The following PDHB variants were observed in gnomAD, a reference collection of about 807,000 sequenced individuals.
PDHB encodes pyruvate dehydrogenase E1 subunit beta.
PDHB carries 17 observed loss-of-function variants against 42.8 expected under a neutral mutation model. The ratio of observed to expected loss-of-function variants is 0.40; its 90% CI spans 0.27 to 0.60. PDHB has a LOEUF of 0.60. Among genes scored for constraint, PDHB ranks in the 20% least tolerant of loss-of-function variants. PDHB has a pLI of 0.46. For missense variants in PDHB, 322 were observed against 451.3 expected (o/e 0.71, Z 2.60); for synonymous variants, 154 against 148.7 (o/e 1.04, Z -0.26).
At chr3:58,430,489 G>C (rs1313946818) in intron 6 of PDHB, among the ~76,000 whole-genome samples, 168 bp downstream of exon 6, 1 of 152,014 alleles carries the variant, frequency 6.6e-6, no homozygotes, top group Non-Finnish European at 1.5e-5. Flanking sequence ...CCTTATATTC[G>C]GAAATAGGAA....
rs1445240993 is a variant in PDHB, at chr3:58,431,563, T to C, written c.303+30A>G. On this transcript the variant is annotated intron_variant, in intron 5 of 9. Coordinates refer to ENST00000302746, the MANE Select transcript of PDHB (RefSeq NM_000925.4). This position sits in a 1 kb window ranked among gnomAD's most constrained non-coding sequence, Gnocchi z 4.4. ...AAAAAAAGAAAACAAGAAATGTCTT[T>C]GGATAAGTTTCATAAAGAGTATTAC... is the stretch of plus-strand genomic sequence containing the variant. 1.3e-6 allele frequency: 2 copies of C among 1,550,278 alleles called. No individual in the cohort carries two copies. Among genetic ancestry groups the C allele is most frequent in the Non-Finnish European group, 1.8e-6 (2 of 1,123,706 alleles).
Position 58,433,789 on chromosome 3 carries a change from C to T in PDHB, c.21G>A (p.Leu7=), listed in dbSNP as rs1403374759. The T allele has an allele frequency of 1.9e-6, 3 of 1,611,988 alleles. No homozygotes were observed. Among genetic ancestry groups the T allele is most frequent in the Non-Finnish European group, 2.5e-6 (3 of 1,179,520 alleles). Residue 7 remains leucine, a synonymous_variant, in exon 1 of 10, where the codon TTG becomes TTA. Transcript: ENST00000302746. MAAVSG[L]VRRPLREVSG... is the part of the protein sequence containing the mutation. ...CTACCTCCCGAAGGGGTCTCCGCACCAAGCCAGACACCGCCGCCATCTTGG... is the reference window on the plus strand; with the variant it reads ...CTACCTCCCGAAGGGGTCTCCGCACTAAGCCAGACACCGCCGCCATCTTGG...
At chr3:58,428,408 C>A (rs187368956) in intron 9 of PDHB, 65 bp downstream of exon 9, 1 of 1,525,498 alleles carries the variant, frequency 6.6e-7, no homozygotes, top group Non-Finnish European at 9.1e-7. Flanking sequence ...TTATCCTGTA[C>A]GTATTCAGGT....
intron 2 of PDHB, 32 bp downstream of exon 2, chr3:58,433,598 CG>C: frequency 6.3e-7 from 1 of 1,593,824 alleles, no homozygotes; most frequent in Non-Finnish European, 8.5e-7. Flanking sequence ...GGACCCTCCC[CG>C]CCCTCGTCCG....
intron 7 of PDHB, 61 bp downstream of exon 7, chr3:58,430,067 A>T (rs1431948936): frequency 9.4e-7 from 1 of 1,059,108 alleles, no homozygotes; most frequent in African/African-American, 1.6e-5. Flanking sequence ...TTCTAGATTA[A>T]ATTTTACCAA....
Position 58,433,761 on chromosome 3 carries a change from T to C in PDHB, c.42+7A>G, listed in dbSNP as rs2062944921. 6.2e-7 allele frequency: 1 copy of C among 1,612,436 alleles called. No homozygotes were observed. The highest frequency in any genetic ancestry group is 2.2e-5 in the East Asian group (1 of 44,840). ...CGTGGGAATACAGGCCGCGCGCTGC[T>C]GCCTACCTCCCGAAGGGGTCTCCGC... is the stretch of plus-strand genomic sequence containing the variant. On this transcript the variant is annotated splice_region_variant and intron_variant, in intron 1 of 9. Transcript: ENST00000302746.
At chr3:58,433,350 G>T (rs1437934358) in intron 2 of PDHB, 2 of 588,806 alleles carry the variant, frequency 3.4e-6, no homozygotes, top group Admixed American at 6.0e-5. Flanking sequence ...TTTAAGTTAG[G>T]TCTATTTTGC....
Position 58,428,143 on chromosome 3 carries a change from C to G in PDHB, c.971G>C (p.Arg324Pro). 6.2e-7 allele frequency: 1 copy of G among 1,613,786 alleles called. No homozygotes were observed. The highest frequency in any genetic ancestry group is 8.5e-7 in the Non-Finnish European group (1 of 1,179,704). The change falls in exon 10 of 10, where the codon CGT becomes CCT. Residue 324 changes from arginine to proline, a missense_variant. Coordinates refer to ENST00000302746, the MANE Select transcript of PDHB (RefSeq NM_000925.4). ...AFNFLDAPAV[R>P]VTGADVPMPY... ...CATAGGGACATCAGCACCAGTGACA[C>G]GAACAGCAGGAGCATCCAGGAAATT...
At position 58,430,766 on chromosome 3, in the gene PDHB, CTG is replaced by C; in HGVS notation, c.478_479del (p.Gln160ValfsTer24). The C allele has an allele frequency of 1.2e-6, 2 of 1,614,210 alleles. No individual in the cohort carries two copies. The highest frequency in any genetic ancestry group is 1.7e-6 in the Non-Finnish European group (2 of 1,180,012). On this transcript the variant is annotated frameshift_variant, in exon 6 of 10. Transcript: ENST00000302746. LOFTEE classifies it high-confidence loss of function. ...ASAGVAAQHS[Q>X]CFAAWYGHCP... ...AGTGCCCATACCAGGCAGCAAAGCACTGTGAGTGCTGGGCAGCTACACCTGCT... is the reference window on the plus strand; with the variant it reads ...AGTGCCCATACCAGGCAGCAAAGCACTGAGTGCTGGGCAGCTACACCTGCT...
chr3:58,429,530 C>T (rs1050920731), intron 8 of PDHB, among the ~76,000 whole-genome samples, 178 bp downstream of exon 8: 1 of 152,006 alleles, frequency 6.6e-6, no homozygotes. Context: ...ACCTAAGTGA[C>T]CTGAGTGGTA....
At position 58,431,346 on chromosome 3, in the gene PDHB, C is replaced by T; in HGVS notation, c.303+247G>A. The T allele has an allele frequency of 2.0e-6, 1 of 505,750 alleles. No homozygotes were observed. The highest frequency in any genetic ancestry group is 3.6e-6 in the Non-Finnish European group (1 of 280,878). 31.3% of individuals were successfully genotyped at this position (505,750 alleles called of 1,614,324 possible). On this transcript the variant is annotated intron_variant, in intron 5 of 9. Coordinates refer to ENST00000302746, the MANE Select transcript of PDHB (RefSeq NM_000925.4). This position sits in a 1 kb window ranked among gnomAD's most constrained non-coding sequence, Gnocchi z 4.4. ...GTCGGATCACTTGAGGCCAGGAGTT[C>T]AAGACCAGCCTGGCCAACATGGTAA... is the stretch of plus-strand genomic sequence containing the variant.
In PDHB at chr3:58,431,907, T is replaced by C. The variant is rs1395140784; in HGVS notation, c.174A>G (p.Glu58=). ...ERDEKVFLLG[E]EVAQYDGAYK... is the part of the protein sequence containing the mutation. ...ATGCCCCATCATACTGGGCAACTTC[T>C]TCTCCAAGCAGAAATACCTTCTCAT... Residue 58 remains glutamate, a synonymous_variant, in exon 3 of 10, where the codon GAA becomes GAG. Coordinates refer to ENST00000302746, the MANE Select transcript of PDHB (RefSeq NM_000925.4). This position sits in a 1 kb window ranked among gnomAD's most constrained non-coding sequence, Gnocchi z 4.4. The C allele has an allele frequency of 6.2e-7, 1 of 1,614,006 alleles. No individual in the cohort carries two copies. The highest frequency in any genetic ancestry group is 1.3e-5 in the African/African-American group (1 of 75,068).
chr3:58,433,467 C>A (rs923031178), intron 2 of PDHB, 164 bp downstream of exon 2: 1 of 737,650 alleles, frequency 1.4e-6, no homozygotes. Flanking sequence ...GTGCTAATTG[C>A]CAGGCGGCGA....
intron 2 of PDHB, 50 bp from the exon 3 acceptor site, chr3:58,432,034 C>G: frequency 1.6e-6 from 2 of 1,263,764 alleles, no homozygotes; most frequent in Non-Finnish European, 2.3e-6. Context: ...TGGGATTCAA[C>G]TAAGATTTTC....
chr3:58,428,546 A>G lies in PDHB; in HGVS notation c.861T>C (p.Asn287=), dbSNP rs1237030552. Residue 287 remains asparagine, a synonymous_variant, in exon 9 of 10, where the codon AAT becomes AAC. Coordinates refer to ENST00000302746, the MANE Select transcript of PDHB (RefSeq NM_000925.4). ...AGCCTCCTTCCACAGTTACAAGATG[A>G]TTTGTCTTCATGACACTGGCTTCTA... The part of the protein sequence containing the change: ...ETIEASVMKT[N]HLVTVEGGWP... The G allele has an allele frequency of 1.9e-6, 3 of 1,613,954 alleles. No individual in the cohort carries two copies. In the African/African-American group the frequency reaches 4.0e-5, roughly 22 times the overall value.
Position 58,431,953 on chromosome 3 carries a change from A to G in PDHB, c.128T>C (p.Met43Thr). Residue 43 changes from methionine (M) to threonine (T), a missense_variant, in exon 3 of 10, where the codon ATG (methionine) becomes ACG (threonine). Physicochemically the swap from Met to Thr is moderately conservative, Grantham distance 81. This residue lies in a region of PDHB where 56 missense variants were observed against 124.2 expected (regional missense o/e 0.45). Coordinates refer to ENST00000302746, the MANE Select transcript of PDHB (RefSeq NM_000925.4). The surrounding 1 kb of genome is among the most constrained non-coding windows in gnomAD (Gnocchi z 4.4). ...VTVRDAINQG[M>T]DEELERDEKV... ...CTCATCTCTTTCCAGCTCCTCATCC[A>G]TACCCTGATTTATAGCATCACGAAC... The G allele has an allele frequency of 6.2e-7, 1 of 1,613,900 alleles. No homozygotes were observed. Among genetic ancestry groups the G allele is most frequent in the Non-Finnish European group, 8.5e-7 (1 of 1,179,784 alleles).
At chr3:58,433,107 A>C in intron 2 of PDHB, 1 of 176,498 alleles carries the variant, frequency 5.7e-6, no homozygotes, top group Non-Finnish European at 1.2e-5. Flanking sequence ...GCCAGACACA[A>C]AAGGACAAAT....
rs2062886676 is a variant in PDHB, at chr3:58,428,013, G to A, written c.*21C>T. ...GCAAGTATTTCAAATAAATTTCAAC[G>A]ACTTGATATTCAAGTCCAAACTAAA... On this transcript the variant is annotated 3_prime_UTR_variant, in exon 10 of 10. Transcript: ENST00000302746. The A allele has an allele frequency of 5.8e-6, 9 of 1,556,684 alleles. No individual in the cohort carries two copies. The highest frequency in any genetic ancestry group is 2.2e-5 in the East Asian group (1 of 44,604).
At chr3:58,433,272 G>A in intron 2 of PDHB, 2 of 406,928 alleles carry the variant, frequency 4.9e-6, no homozygotes, top group Non-Finnish European at 9.0e-6. Flanking sequence ...AATGGATGGT[G>A]GTTAATGGTT....
Sources: allele counts gnomAD v4.1 joint callset (sites outside exome capture counted in the v4.1 genomes callset), GRCh38; gene constraint gnomAD v4.1.1; regional missense constraint gnomAD v4.1.1; non-coding constraint Gnocchi (gnomAD v3.1); transcripts MANE v1.5; gene names NCBI Gene and HGNC (gene_info 2026-07-23, HGNC 2026-07-21).